Variants in KCNIP4 observed in about 807,000 individuals in gnomAD.
KCNIP4 encodes the protein Kv channel-interacting protein 4.
In KCNIP4, 12 loss-of-function variants were observed where a neutral mutation model predicts 34.0. The ratio of observed to expected loss-of-function variants is 0.35; its 90% CI spans 0.23 to 0.57. The LOEUF is 0.57. Ranked by LOEUF, KCNIP4 falls within the 20% of genes least tolerant of loss-of-function variation. KCNIP4 has a pLI of 0.83. For missense variants in KCNIP4, 238 were observed against 311.7 expected (o/e 0.76, Z 1.78); for synonymous variants, 124 against 102.2 (o/e 1.21, Z -1.29).
chr4:21,201,134 T>A (rs1756458680), intron 1 of KCNIP4, among the ~76,000 whole-genome samples: 1 of 152,226 alleles, frequency 6.6e-6, no homozygotes, highest in South Asian at 2.1e-4. Flanking sequence ...AAAGAAGGAA[T>A]GTGGAGGATT....
chr4:20,887,827 T>C (rs62295429), intron 1 of KCNIP4, among the ~76,000 whole-genome samples: 14,496 of 152,142 alleles, frequency 0.095, 844 homozygotes, highest in East Asian at 0.26. Flanking sequence ...ATTGAAAATA[T>C]GTGAATAAAT....
intron 1 of KCNIP4, among the ~76,000 whole-genome samples, chr4:20,988,670 T>C (rs1046513556): frequency 1.3e-5 from 2 of 152,232 alleles, no homozygotes; most frequent in Admixed American, 6.5e-5. Context: ...TAGAAACTAG[T>C]TAAGTCAAAT....
chr4:21,266,743 A>G (rs1439556335), intron 1 of KCNIP4, among the ~76,000 whole-genome samples: 2 of 152,220 alleles, frequency 1.3e-5, no homozygotes, highest in Non-Finnish European at 2.9e-5. Flanking sequence ...TAAAGCACAC[A>G]AGATGGTGTG....
chr4:21,483,111 A>G (rs979615037), intron 1 of KCNIP4, among the ~76,000 whole-genome samples: 2 of 150,488 alleles, frequency 1.3e-5, no homozygotes, highest in African/African-American at 2.5e-5. Context: ...TAGCATTAGG[A>G]GATATACCTA....
intron 1 of KCNIP4, among the ~76,000 whole-genome samples, chr4:21,335,424 CAAAAAAATATGATACCG>C (rs946222368): frequency 1.3e-4 from 20 of 152,070 alleles, no homozygotes; most frequent in Non-Finnish European, 2.2e-4. Flanking sequence ...AGCACAGTCA[CAAAAAAATATGATACCG>C]AAAGCATTTG....
chr4:21,798,584 A>AAG (rs144137906), intron 1 of KCNIP4, among the ~76,000 whole-genome samples: 4 of 142,538 alleles, frequency 2.8e-5, no homozygotes, highest in South Asian at 4.3e-4. Flanking sequence ...GAAAGAAAGA[A>AAG]AGAGAAAAAA....
At chr4:21,725,425 G>C (rs767891527) in intron 1 of KCNIP4, among the ~76,000 whole-genome samples, 11 of 152,064 alleles carry the variant, frequency 7.2e-5, no homozygotes, top group Non-Finnish European at 1.3e-4. Context: ...TGGTTACAAA[G>C]GCAGCAAAAC....
intron 1 of KCNIP4, among the ~76,000 whole-genome samples, chr4:20,954,289 A>C (rs1295402840): frequency 6.6e-6 from 1 of 152,160 alleles, no homozygotes; most frequent in African/African-American, 2.4e-5. Flanking sequence ...TTCATAGAGG[A>C]GAGTTGGAAA....
chr4:21,474,625 G>C (rs1441847107), intron 1 of KCNIP4, among the ~76,000 whole-genome samples: 1 of 152,084 alleles, frequency 6.6e-6, no homozygotes, highest in East Asian at 1.9e-4. Context: ...GCTGTCCCAG[G>C]TCAGGTAAGG....
chr4:21,006,749 G>A lies in KCNIP4; in HGVS notation c.62-124040C>T, dbSNP rs137954543. On this transcript the variant is annotated intron_variant, in intron 1 of 8. Transcript: ENST00000382152. Reference sequence around the variant, plus strand: ...GGCAGGGAATGGGTAAGTGCATGCCGTGCCTGGGAGATGTGTCTGTGTCAT... The same window carrying A: ...GGCAGGGAATGGGTAAGTGCATGCCATGCCTGGGAGATGTGTCTGTGTCAT... Among the ~76,000 whole-genome samples, 864 of 152,274 alleles carry A rather than the reference G, an allele frequency of 5.7e-3. 9 individuals are homozygous for A. Among genetic ancestry groups the A allele is most frequent in the African/African-American group, 0.019 (810 of 41,540 alleles).
intron 1 of KCNIP4, among the ~76,000 whole-genome samples, chr4:21,523,804 C>T (rs1735740622): frequency 6.6e-6 from 1 of 152,100 alleles, no homozygotes. Flanking sequence ...AACTCCTGGA[C>T]TCAAGCGATC....
chr4:21,343,831 T>C (rs1190323561), intron 1 of KCNIP4, among the ~76,000 whole-genome samples: 5 of 152,162 alleles, frequency 3.3e-5, no homozygotes, highest in Non-Finnish European at 7.3e-5. Flanking sequence ...GCCCTTCCTA[T>C]GTGCCAGTTA....
At chr4:21,540,180 C>T (rs1737562780) in intron 1 of KCNIP4, among the ~76,000 whole-genome samples, 1 of 152,238 alleles carries the variant, frequency 6.6e-6, no homozygotes, top group African/African-American at 2.4e-5. Flanking sequence ...AACCATGTGG[C>T]CTCACCAAAT....
chr4:21,042,726 C>T (rs564283647), intron 1 of KCNIP4, among the ~76,000 whole-genome samples: 60 of 152,026 alleles, frequency 3.9e-4, no homozygotes, highest in Non-Finnish European at 6.6e-4. Context: ...TGATAAATGC[C>T]GATCACTCTG....
intron 1 of KCNIP4, among the ~76,000 whole-genome samples, chr4:21,435,906 G>C (rs906182478): frequency 1.3e-5 from 2 of 152,054 alleles, no homozygotes; most frequent in Non-Finnish European, 1.5e-5. Flanking sequence ...TACAAATGTG[G>C]TTTCTGCAAA....
intron 1 of KCNIP4, among the ~76,000 whole-genome samples, chr4:21,868,044 C>T (rs1353949158): frequency 6.6e-6 from 1 of 152,120 alleles, no homozygotes; most frequent in African/African-American, 2.4e-5. Flanking sequence ...TATTTGCCGA[C>T]CTAGAAGTCT....
At chr4:21,771,636 T>C (rs1560702277) in intron 1 of KCNIP4, among the ~76,000 whole-genome samples, 1 of 151,424 alleles carries the variant, frequency 6.6e-6, no homozygotes, top group Non-Finnish European at 1.5e-5. Context: ...TGATCTGTAG[T>C]TCTCACATCC....
At chr4:21,477,402 A>G (rs1234018174) in intron 1 of KCNIP4, among the ~76,000 whole-genome samples, 1 of 152,284 alleles carries the variant, frequency 6.6e-6, no homozygotes, top group East Asian at 1.9e-4. Context: ...CCAAGACTGA[A>G]TACCTTTGAA....
intron 1 of KCNIP4, among the ~76,000 whole-genome samples, chr4:21,743,850 T>G (rs1304174397): frequency 6.7e-6 from 1 of 149,310 alleles, no homozygotes; most frequent in African/African-American, 2.5e-5. Flanking sequence ...AGATGAGAAA[T>G]TATGCTCTTC....
Sources: gnomAD v4.1 joint callset for allele counts (sites outside exome capture counted in the v4.1 genomes callset) on GRCh38, gnomAD v4.1.1 for gene constraint, MANE v1.5 for transcripts, NCBI Gene and HGNC (gene_info 2026-07-23, HGNC 2026-07-21) for gene names.